Variants in RBFOX1 observed in about 807,000 individuals in gnomAD.
The protein encoded by RBFOX1 is RNA binding protein fox-1 homolog 1.
In RBFOX1, 8 loss-of-function variants were observed where a neutral mutation model predicts 57.7. The ratio of observed to expected loss-of-function variants is 0.14; its 90% confidence interval spans 0.08 to 0.25. RBFOX1 has a LOEUF of 0.25. Ranked by LOEUF, RBFOX1 falls within the 10% of genes least tolerant of loss-of-function variation. RBFOX1 has a pLI of 1.00. For synonymous variants in RBFOX1, 326 were observed against 222.4 expected (o/e 1.47, Z -4.15); for missense variants, 611 against 548.5 (o/e 1.11, Z -1.14).
intron 4 of RBFOX1, among the ~76,000 whole-genome samples, chr16:7,355,811 C>G (rs1182572925): frequency 6.6e-6 from 1 of 152,242 alleles, no homozygotes; most frequent in Non-Finnish European, 1.5e-5. Context: ...TTTTGCCAAT[C>G]TGTTGGGTGA....
At chr16:7,616,325 A>T (rs527515905) in intron 10 of RBFOX1, among the ~76,000 whole-genome samples, 15 of 152,350 alleles carry the variant, frequency 9.8e-5, no homozygotes, top group African/African-American at 3.6e-4. Context: ...TTTTTCCAGA[A>T]ATGGCATGTG....
chr16:7,485,892 A>T (rs1267046140), intron 4 of RBFOX1, among the ~76,000 whole-genome samples: 1 of 152,092 alleles, frequency 6.6e-6, no homozygotes, highest in Non-Finnish European at 1.5e-5. Flanking sequence ...ATAAAGTTTT[A>T]TTGGCACATA....
chr16:7,487,316 C>A (rs1025245569), intron 4 of RBFOX1, among the ~76,000 whole-genome samples: 1 of 152,172 alleles, frequency 6.6e-6, no homozygotes, highest in Non-Finnish European at 1.5e-5. Context: ...CCATCACTGT[C>A]TTGCTCCACG....
intron 4 of RBFOX1, among the ~76,000 whole-genome samples, chr16:7,058,582 G>T (rs967123111): frequency 2.6e-5 from 4 of 152,140 alleles, no homozygotes; most frequent in Non-Finnish European, 4.4e-5. Context: ...TTGTGTGTGT[G>T]TGTGTGTGCA....
chr16:7,700,765 G>A (rs562805784), intron 14 of RBFOX1, among the ~76,000 whole-genome samples: 38 of 152,242 alleles, frequency 2.5e-4, no homozygotes, highest in Admixed American at 1.4e-3. Context: ...TCTCTACTCC[G>A]AGAGTGGCTG....
chr16:7,458,394 C>G (rs1357493265), intron 4 of RBFOX1, among the ~76,000 whole-genome samples: 1 of 152,206 alleles, frequency 6.6e-6, no homozygotes, highest in African/African-American at 2.4e-5. Context: ...ATGTGCTCCT[C>G]AAATCTCTCC....
At chr16:7,503,884 G>A (rs1274854697) in intron 4 of RBFOX1, among the ~76,000 whole-genome samples, 1 of 152,134 alleles carries the variant, frequency 6.6e-6, no homozygotes, top group African/African-American at 2.4e-5. Context: ...GGAATGGATG[G>A]CAGTGGTGAT....
chr16:6,575,583 C>G (rs1209063204), intron 2 of RBFOX1, among the ~76,000 whole-genome samples: 1 of 152,096 alleles, frequency 6.6e-6, no homozygotes, highest in Non-Finnish European at 1.5e-5. Flanking sequence ...AAGGGCTAGG[C>G]ACGGTGGCTC....
At chr16:6,866,563 T>C (rs1157535423) in intron 3 of RBFOX1, among the ~76,000 whole-genome samples, 1 of 146,564 alleles carries the variant, frequency 6.8e-6, no homozygotes, top group Non-Finnish European at 1.5e-5. Context: ...TTTTTTTGAG[T>C]TGGAGTCTCG....
chr16:5,558,946 A>G (rs2151100948), intron 2 of RBFOX1, among the ~76,000 whole-genome samples: 2 of 152,260 alleles, frequency 1.3e-5, no homozygotes, highest in East Asian at 3.9e-4. Context: ...GCCTTGAGCT[A>G]GATGTGTGAG....
intron 3 of RBFOX1, among the ~76,000 whole-genome samples, chr16:6,970,922 T>G (rs944618527): frequency 6.6e-6 from 1 of 152,206 alleles, no homozygotes; most frequent in African/African-American, 2.4e-5. Context: ...CTGTTCCATT[T>G]GTCTGAAACA....
chr16:5,598,373 A>G (rs1596386652), intron 2 of RBFOX1, among the ~76,000 whole-genome samples: 1 of 152,212 alleles, frequency 6.6e-6, no homozygotes, highest in African/African-American at 2.4e-5. Flanking sequence ...CATCCGGACC[A>G]GCACTGCCTC....
intron 2 of RBFOX1, among the ~76,000 whole-genome samples, chr16:6,567,730 C>A (rs555124947): frequency 2.0e-5 from 3 of 152,082 alleles, no homozygotes; most frequent in Non-Finnish European, 4.4e-5. Flanking sequence ...CTTTTCTTGT[C>A]CCTCAGGGCC....
rs771864793 is a variant in RBFOX1, at chr16:7,307,294, T to G, written c.28-210853T>G. Among the ~76,000 whole-genome samples the G allele has an allele frequency of 7.1e-4, 108 of 152,226 alleles. 2 individuals carry two copies. The highest frequency in any genetic ancestry group is 3.3e-4 in the Admixed American group (5 of 15,286). ...AACTAAGGAAAATGACTTCATTAAA[T>G]GCTTTCTTTGTCTCAGCATGAACAT... On this transcript the variant is annotated intron_variant, in intron 4 of 15. Transcript: ENST00000550418.
intron 2 of RBFOX1, among the ~76,000 whole-genome samples, chr16:6,573,438 GTC>G (rs1221292800): frequency 6.6e-6 from 1 of 152,158 alleles, no homozygotes; most frequent in African/African-American, 2.4e-5. Flanking sequence ...GCTGGAAAGA[GTC>G]TGCCATTCAC....
intron 3 of RBFOX1, among the ~76,000 whole-genome samples, chr16:5,856,410 A>C (rs1023204733): frequency 7.2e-6 from 1 of 139,010 alleles, no homozygotes; most frequent in Non-Finnish European, 1.5e-5. Flanking sequence ...CTTCAGAAAT[A>C]TCAAGTATAT....
At chr16:6,573,170 C>T (rs1230546422) in intron 2 of RBFOX1, among the ~76,000 whole-genome samples, 2 of 152,104 alleles carry the variant, frequency 1.3e-5, no homozygotes, top group African/African-American at 2.4e-5. Flanking sequence ...GAGACTTTAC[C>T]ATCATTTCTA....
At chr16:5,289,211 G>C (rs1365920014) in intron 1 of RBFOX1, 1 of 328,794 alleles carries the variant, frequency 3.0e-6, no homozygotes, top group Non-Finnish European at 6.1e-6. Flanking sequence ...CTGTCTGGTC[G>C]AGTCATTCTG....
intron 2 of RBFOX1, among the ~76,000 whole-genome samples, chr16:6,459,200 G>C (rs1346020852): frequency 6.6e-6 from 1 of 152,140 alleles, no homozygotes; most frequent in African/African-American, 2.4e-5. Context: ...GCCGGCCATG[G>C]TGGCGGGTGC....
Sources: allele counts gnomAD v4.1 joint callset (sites outside exome capture counted in the v4.1 genomes callset), GRCh38; gene constraint gnomAD v4.1.1; transcripts MANE v1.5; gene names NCBI Gene and HGNC (gene_info 2026-07-23, HGNC 2026-07-21).